Variants in PATJ observed in about 807,000 individuals in gnomAD.
PATJ encodes the protein PATJ crumbs cell polarity complex component, also known as inaD-like protein.
PATJ carries 190 observed loss-of-function variants against 224.9 expected under a neutral mutation model. The observed-to-expected ratio is 0.84, with a 90% CI of 0.75 to 0.95. The LOEUF (loss-of-function observed/expected upper bound fraction) is 0.95. Ranked by LOEUF, PATJ falls within the 40% of genes least tolerant of loss-of-function variation. The pLI, the probability that PATJ is intolerant of heterozygous loss-of-function variation, is 0.00. For missense variants in PATJ, 2,121 were observed against 2,270.3 expected (o/e 0.93, Z 1.34); for synonymous variants, 769 against 820.3 (o/e 0.94, Z 1.07).
chr1:62,001,312 T>C (rs371633570), intron 28 of PATJ, among the ~76,000 whole-genome samples: 18,159 of 145,296 alleles, frequency 0.12, 1,371 homozygotes, highest in Non-Finnish European at 0.18. Flanking sequence ...CTAGGGTTTT[T>C]ATGGTTTTAG....
At chr1:62,013,266 C>A in intron 28 of PATJ, 1 of 743,884 alleles carries the variant, frequency 1.3e-6, no homozygotes, top group Non-Finnish European at 1.6e-6. Flanking sequence ...GCAGACATAT[C>A]CATAAACATG....
chr1:61,804,621 A>G (rs1006897899), intron 12 of PATJ, among the ~76,000 whole-genome samples: 4 of 152,156 alleles, frequency 2.6e-5, no homozygotes, highest in Non-Finnish European at 5.9e-5. Context: ...AAGTTTGTTC[A>G]TTTTCTGCTA....
At chr1:62,080,689 A>G (rs77582677) in intron 32 of PATJ, among the ~76,000 whole-genome samples, 4,231 of 152,238 alleles carry the variant, frequency 0.028, 99 homozygotes, top group African/African-American at 0.056. Flanking sequence ...AAAAGACAGT[A>G]CTCACCAATG....
chr1:61,762,278 GTTTGTGCCT>G (rs1272467651), intron 1 of PATJ, among the ~76,000 whole-genome samples: 1 of 152,062 alleles, frequency 6.6e-6, no homozygotes, highest in Non-Finnish European at 1.5e-5. Flanking sequence ...ATACAGTATG[GTTTGTGCCT>G]TTTTTGGGTC....
chr1:61,835,504 A>G (rs1287511926), intron 17 of PATJ, among the ~76,000 whole-genome samples: 1 of 152,114 alleles, frequency 6.6e-6, no homozygotes, highest in South Asian at 2.1e-4. Context: ...CCTGGGTTCA[A>G]GTGATTCTTG....
intron 27 of PATJ, among the ~76,000 whole-genome samples, chr1:61,946,714 T>A (rs539293959): frequency 6.6e-6 from 1 of 152,328 alleles, no homozygotes; most frequent in South Asian, 2.1e-4. Flanking sequence ...CTAATTCATT[T>A]TATGTGGCCA....
intron 27 of PATJ, among the ~76,000 whole-genome samples, chr1:61,945,842 AG>A (rs1365072848): frequency 1.3e-5 from 2 of 152,240 alleles, no homozygotes; most frequent in Admixed American, 6.5e-5. Flanking sequence ...CAAATGCAAA[AG>A]AACAGAAATC....
chr1:62,072,239 G>T (rs929989567), intron 31 of PATJ, among the ~76,000 whole-genome samples: 1 of 152,126 alleles, frequency 6.6e-6, no homozygotes, highest in African/African-American at 2.4e-5. Flanking sequence ...CCTCCGTGGG[G>T]TTTAGAGCTA....
At chr1:61,881,407 ATTT>A (rs34051620) in intron 21 of PATJ, among the ~76,000 whole-genome samples, 82 of 110,066 alleles carry the variant, frequency 7.5e-4, no homozygotes, top group South Asian at 2.6e-3. Context: ...TAAAACAGTT[ATTT>A]TTTTTTTTTT....
rs189014220 is a variant in PATJ at position 61,925,344 on chromosome 1, G to A, written c.3571-2386G>A. Among the ~76,000 whole-genome samples, 35 of 151,226 alleles carry A rather than the reference G, an allele frequency of 2.3e-4. 1 individual carries two copies. In the East Asian group the frequency reaches 6.8e-3, roughly 29 times the overall value. ...AATCAATCGAGAATAGATCTTTATA[G>A]AAGCAGCATAATATAGATTCTCATC... On this transcript the variant is annotated intron_variant, in intron 26 of 43. Transcript: ENST00000642238.
intron 27 of PATJ, among the ~76,000 whole-genome samples, chr1:61,933,588 A>G (rs1276645310): frequency 6.6e-6 from 1 of 152,022 alleles, no homozygotes; most frequent in Admixed American, 6.6e-5. Context: ...CTGAGAGCAT[A>G]AAGAGATCAC....
At chr1:61,937,860 G>A (rs1047041717) in intron 27 of PATJ, among the ~76,000 whole-genome samples, 1 of 152,078 alleles carries the variant, frequency 6.6e-6, no homozygotes, top group African/African-American at 2.4e-5. Flanking sequence ...ATGTTGGTCA[G>A]GCTGGTCTCA....
At chr1:61,941,202 A>G (rs1269537538) in intron 27 of PATJ, among the ~76,000 whole-genome samples, 1 of 152,224 alleles carries the variant, frequency 6.6e-6, no homozygotes, top group East Asian at 1.9e-4. Context: ...TCTAAAAACT[A>G]AAAATAATAG....
intron 8 of PATJ, among the ~76,000 whole-genome samples, chr1:61,789,831 C>T (rs1323458194): frequency 6.6e-6 from 1 of 151,882 alleles, no homozygotes; most frequent in Non-Finnish European, 1.5e-5. Flanking sequence ...AAAAGTTTCT[C>T]CAAATTGTGG....
Position 61,960,443 on chromosome 1 carries a change from C to T in PATJ, c.3671-29725C>T, listed in dbSNP as rs1681103473. ...TTGGGAGGCCAAGGTGGCTGGATCA[C>T]CTGGGGTCAGGAGTTCGAGACCAGC... is the stretch of plus-strand genomic sequence containing the variant. On this transcript the variant is annotated intron_variant, in intron 27 of 43. Transcript: ENST00000642238. 2.6e-5 allele frequency among the ~76,000 whole-genome samples: 4 copies of T among 152,202 alleles called. No homozygotes were observed. In the South Asian group the frequency reaches 6.2e-4, roughly 24 times the overall value.
intron 40 of PATJ, 63 bp downstream of exon 40, chr1:62,128,157 C>A (rs1665920230): frequency 1.3e-6 from 2 of 1,592,588 alleles, no homozygotes; most frequent in Non-Finnish European, 8.6e-7. Context: ...GAAGTTGCAG[C>A]CCTGGGCACC....
intron 14 of PATJ, among the ~76,000 whole-genome samples, chr1:61,812,407 T>A (rs1483747454): frequency 1.6e-4 from 13 of 79,716 alleles, no homozygotes; most frequent in Admixed American, 4.8e-4. Context: ...TGTGAGTGAC[T>A]GAGAGAGAGA....
At position 61,797,321 on chromosome 1, in the gene PATJ, A is replaced by G. The variant is rs1651549699; in HGVS notation, c.1295A>G (p.His432Arg). Residue 432 changes from histidine to arginine, a missense_variant, in exon 11 of 44, where the codon CAT (histidine) becomes CGT (arginine). Coordinates refer to ENST00000642238, the MANE Select transcript of PATJ (RefSeq NM_001350145.3). Reference sequence around the variant, plus strand: ...GTGAACATTCAGGGTTTTGCCAACCATGATGTTGTTGAAGTATTACGAAAT... The same window carrying G: ...GTGAACATTCAGGGTTTTGCCAACCGTGATGTTGTTGAAGTATTACGAAAT... ...DGVNIQGFAN[H>R]DVVEVLRNAG... 6.2e-7 allele frequency: 1 copy of G among 1,613,764 alleles called. No homozygotes were observed. The highest frequency in any genetic ancestry group is 1.3e-5 in the African/African-American group (1 of 75,048).
At chr1:61,931,502 G>A (rs746085626) in intron 27 of PATJ, among the ~76,000 whole-genome samples, 1 of 152,304 alleles carries the variant, frequency 6.6e-6, no homozygotes, top group East Asian at 1.9e-4. Flanking sequence ...AGTGGCTCAC[G>A]CCTGTGATCC....
Sources: allele counts gnomAD v4.1 joint callset (sites outside exome capture counted in the v4.1 genomes callset), GRCh38; gene constraint gnomAD v4.1.1; transcripts MANE v1.5; gene names NCBI Gene and HGNC (gene_info 2026-07-23, HGNC 2026-07-21).